The following STARD13 variants were observed in gnomAD, a reference collection of about 807,000 sequenced individuals.
STARD13 encodes the protein stAR-related lipid transfer protein 13.
A neutral mutation model predicts 106.4 loss-of-function variants in STARD13; 62 were observed. The observed-to-expected ratio is 0.58, with a 90% CI of 0.48 to 0.72. STARD13 has a LOEUF of 0.72. Among genes scored for constraint, STARD13 ranks in the 30% least tolerant of loss-of-function variants. STARD13 has a pLI of 0.00. For missense variants in STARD13, 1,387 were observed against 1,424.0 expected (o/e 0.97, Z 0.42); for synonymous variants, 565 against 553.0 (o/e 1.02, Z -0.31).
chr13:33,538,860 C>G, the STARD13 span, among the ~76,000 whole-genome samples: 2 of 151,712 alleles, frequency 1.3e-5, no homozygotes, highest in Admixed American at 6.6e-5. Context: ...AGCTCCGCCT[C>G]CCGGGTTCAC....
the STARD13 span, among the ~76,000 whole-genome samples, chr13:33,601,888 G>A: frequency 7.2e-5 from 11 of 152,066 alleles, no homozygotes; most frequent in Non-Finnish European, 1.6e-4. Context: ...AGGATGCTGC[G>A]ATCTCTAGTT....
chr13:33,304,186 A>C (rs761366597), intron 1 of STARD13, among the ~76,000 whole-genome samples: 1 of 152,242 alleles, frequency 6.6e-6, no homozygotes, highest in African/African-American at 2.4e-5. Flanking sequence ...CTTGTTACTG[A>C]GCCATAGATG....
upstream of STARD13, among the ~76,000 whole-genome samples, chr13:33,354,281 A>T (rs1054126241): frequency 3.3e-5 from 5 of 152,182 alleles, no homozygotes; most frequent in Non-Finnish European, 5.9e-5. Flanking sequence ...CTACGTCTTT[A>T]TACATTAGCT....
intron 1 of STARD13, among the ~76,000 whole-genome samples, chr13:33,309,056 T>C (rs768532783): frequency 1.3e-5 from 2 of 152,236 alleles, no homozygotes; most frequent in Non-Finnish European, 2.9e-5. Flanking sequence ...AGCACAACTT[T>C]CTGTGGACTT....
chr13:33,125,872 C>T (rs2138143732), intron 7 of STARD13, among the ~76,000 whole-genome samples: 1 of 152,310 alleles, frequency 6.6e-6, no homozygotes, highest in South Asian at 2.1e-4. Context: ...CACTCCAGGT[C>T]ATCATTTAAG....
At chr13:33,189,907 G>A (rs1417188235) in intron 1 of STARD13, among the ~76,000 whole-genome samples, 2 of 151,808 alleles carry the variant, frequency 1.3e-5, no homozygotes, top group African/African-American at 4.8e-5. Context: ...CCCACTCTAA[G>A]CCATTTTATA....
Position 33,109,985 on chromosome 13 carries a change from C to T in STARD13, c.2935G>A (p.Glu979Lys), listed in dbSNP as rs267603806. 4.3e-6 allele frequency: 7 copies of T among 1,614,120 alleles called. No individual in the cohort carries two copies. Among genetic ancestry groups the T allele is most frequent in the South Asian group, 3.3e-5 (3 of 91,090 alleles). The stretch of plus-strand genomic sequence containing the variant: ...ACAACCTTCCACTGCACAAAGTCCT[C>T]GTCCCACAGGTGGCGCTCTCTCAGC... ...RVLRERHLWD[E>K]DFVQWKVVET... Residue 979 changes from glutamate to lysine, a missense_variant, in exon 12 of 14, where the codon GAG becomes AAG. Physicochemically the swap from Glu to Lys is moderately conservative, Grantham distance 56 (BLOSUM62 1). Coordinates refer to ENST00000336934, the MANE Select transcript of STARD13 (RefSeq NM_178006.4).
rs1051127298 is a variant in STARD13 at position 33,130,311 on chromosome 13, G to A, written c.388-22C>T. ...CACCCTGCAGAGCACCAAGGAAAAT[G>A]CTCATTAGCAGACAGCGTGGCTGAA... is the stretch of plus-strand genomic sequence containing the variant. On this transcript the variant is annotated intron_variant, in intron 4 of 13. Coordinates refer to ENST00000336934, the MANE Select transcript of STARD13 (RefSeq NM_178006.4). The surrounding 1 kb of genome is among the most constrained non-coding windows in gnomAD (Gnocchi z 4.1). The A allele has an allele frequency of 6.3e-7, 1 of 1,592,006 alleles. No individual in the cohort carries two copies. The highest frequency in any genetic ancestry group is 1.3e-5 in the African/African-American group (1 of 74,806).
chr13:33,127,348 C>T lies in STARD13; in HGVS notation c.1922+25G>A, dbSNP rs1318612568. 4 of 1,540,972 alleles carry T rather than the reference C, an allele frequency of 2.6e-6. No homozygotes were observed. In the South Asian group the frequency reaches 4.9e-5, roughly 19 times the overall value. On this transcript the variant is annotated intron_variant, in intron 6 of 13. Transcript: ENST00000336934. Reference sequence around the variant, plus strand: ...CACTTAGCTCTAGAGCCAAGGATCCCCTCCTAGGTGAATGTGCTACGCACC... The same window carrying T: ...CACTTAGCTCTAGAGCCAAGGATCCTCTCCTAGGTGAATGTGCTACGCACC...
At chr13:33,651,878 C>T in the STARD13 span, among the ~76,000 whole-genome samples, 1 of 152,200 alleles carries the variant, frequency 6.6e-6, no homozygotes, top group African/African-American at 2.4e-5. Flanking sequence ...GCTCACCTTC[C>T]TCTCTCCCCA....
At chr13:33,609,040 T>C in the STARD13 span, among the ~76,000 whole-genome samples, 1 of 138,446 alleles carries the variant, frequency 7.2e-6, no homozygotes, top group Non-Finnish European at 1.5e-5. Context: ...GAGCCGAGAT[T>C]GCGCCACTGC....
the STARD13 span, among the ~76,000 whole-genome samples, chr13:33,370,660 C>G: frequency 6.8e-4 from 101 of 147,998 alleles, no homozygotes; most frequent in African/African-American, 2.3e-3. Flanking sequence ...ATTCTGTCTC[C>G]CAGGCTGGAG....
rs182553795 is a variant in STARD13 at position 33,105,165 on chromosome 13, G to A, written c.*428C>T. 3.2e-5 allele frequency: 5 copies of A among 157,972 alleles called. No individual in the cohort carries two copies. Among genetic ancestry groups the A allele is most frequent in the East Asian group, 1.8e-4 (1 of 5,538 alleles). The allele number at this position is 157,972 out of a possible 1,614,324, so 9.8% of individuals were successfully genotyped here. Reference sequence around the variant, plus strand: ...GAAGGGACTCACTGAGTCAGACACCGTCATTTTCAAAACACACAATTCTAT... The same window carrying A: ...GAAGGGACTCACTGAGTCAGACACCATCATTTTCAAAACACACAATTCTAT... On this transcript the variant is annotated 3_prime_UTR_variant, in exon 14 of 14. Transcript: ENST00000336934.
At chr13:33,279,908 A>G (rs1432517924) in intron 1 of STARD13, 1 of 152,072 alleles carries the variant, frequency 6.6e-6, no homozygotes, top group African/African-American at 2.4e-5. Flanking sequence ...CCCTCCAAAC[A>G]CCAGCACTGA....
the STARD13 span, among the ~76,000 whole-genome samples, chr13:33,422,828 A>G: frequency 3.3e-5 from 5 of 152,248 alleles, no homozygotes; most frequent in East Asian, 1.9e-4. Context: ...AAACCTGACA[A>G]AAACAAGAAA....
At chr13:33,298,440 A>G (rs1021924198) in intron 1 of STARD13, among the ~76,000 whole-genome samples, 8 of 151,570 alleles carry the variant, frequency 5.3e-5, no homozygotes, top group Non-Finnish European at 1.2e-4. Flanking sequence ...CCCAATCCCC[A>G]TCTACACTTA....
At chr13:33,638,322 G>A in the STARD13 span, among the ~76,000 whole-genome samples, 46 of 152,288 alleles carry the variant, frequency 3.0e-4, no homozygotes, top group African/African-American at 1.1e-3. Context: ...TAAGACATAA[G>A]TGAGACATAA....
the STARD13 span, among the ~76,000 whole-genome samples, chr13:33,530,795 A>C: frequency 6.6e-6 from 1 of 152,290 alleles, no homozygotes; most frequent in African/African-American, 2.4e-5. Context: ...GTGATATGTT[A>C]ATTCTTTTTT....
At chr13:33,493,872 G>C in the STARD13 span, among the ~76,000 whole-genome samples, 1,775 of 152,068 alleles carry the variant, frequency 0.012, 22 homozygotes, top group Non-Finnish European at 0.015. Context: ...AAGGTCAAAG[G>C]TAGGTCTGAG....
Sources: gnomAD v4.1 joint callset for allele counts (sites outside exome capture counted in the v4.1 genomes callset) on GRCh38, gnomAD v4.1.1 for gene constraint, Gnocchi (gnomAD v3.1) non-coding constraint, MANE v1.5 for transcripts, NCBI Gene and HGNC (gene_info 2026-07-23, HGNC 2026-07-21) for gene names.